The following ST8SIA5 variants were observed in gnomAD, a reference collection of about 807,000 sequenced individuals.
ST8SIA5 encodes the protein ST8 alpha-N-acetyl-neuraminide alpha-2,8-sialyltransferase 5.
In ST8SIA5, 24 loss-of-function variants were observed where a neutral mutation model predicts 40.2. That is an observed-to-expected ratio of 0.60 (90% CI 0.43 to 0.84). The LOEUF (loss-of-function observed/expected upper bound fraction) is 0.84, where lower values mean the gene tolerates loss of function less well. Among genes scored for constraint, ST8SIA5 ranks in the 40% least tolerant of loss-of-function variants. The pLI, the probability that ST8SIA5 is intolerant of heterozygous loss-of-function variation, is 0.00. For synonymous variants in ST8SIA5, 198 were observed against 201.8 expected (o/e 0.98, Z 0.16); for missense variants, 465 against 498.5 (o/e 0.93, Z 0.64).
intron 5 of ST8SIA5, chr18:46,685,931 G>A (rs2039441724): frequency 9.4e-6 from 5 of 530,030 alleles, no homozygotes; most frequent in South Asian, 7.0e-5. Flanking sequence ...CTTCAAATCT[G>A]TGATGTCCTT....
chr18:46,741,388 T>C (rs1276352258), intron 1 of ST8SIA5, among the ~76,000 whole-genome samples: 1 of 152,172 alleles, frequency 6.6e-6, no homozygotes, highest in Non-Finnish European at 1.5e-5. Context: ...ACTTAATGGA[T>C]TAGTAAAGTT....
intron 2 of ST8SIA5, among the ~76,000 whole-genome samples, chr18:46,703,142 A>T (rs1234765931): frequency 6.6e-6 from 1 of 151,994 alleles, no homozygotes; most frequent in African/African-American, 2.4e-5. Flanking sequence ...TTCTTTTTTT[A>T]TTTTATTTTA....
At chr18:46,724,746 G>A (rs1349234909) in intron 1 of ST8SIA5, among the ~76,000 whole-genome samples, 1 of 152,078 alleles carries the variant, frequency 6.6e-6, no homozygotes, top group Non-Finnish European at 1.5e-5. Context: ...AACCGAGGTG[G>A]GTGGATCACT....
chr18:46,754,765 CCT>C (rs2040225837), intron 1 of ST8SIA5, among the ~76,000 whole-genome samples: 1 of 152,218 alleles, frequency 6.6e-6, no homozygotes, highest in African/African-American at 2.4e-5. Context: ...GTATTTTCCC[CCT>C]GTTGACAAGG....
Position 46,680,387 on chromosome 18 carries a change from C to T in ST8SIA5, c.786G>A (p.Lys262=), listed in dbSNP as rs758956500. ...GCGATTCGAAGTCGTCCAGCACGTA[C>T]TTGACGCGGATGGACACGTCGGTGT... ...TRNTDVSIRV[K]YVLDDFESPQ... Residue 262 remains lysine (K), a synonymous_variant, in exon 7 of 7, where the codon AAG becomes AAA. Transcript: ENST00000315087. The T allele has an allele frequency of 3.1e-6, 5 of 1,613,996 alleles. No individual in the cohort carries two copies. The highest frequency in any genetic ancestry group is 4.2e-6 in the Non-Finnish European group (5 of 1,179,936).
chr18:46,751,862 A>ACC (rs2040198596), intron 1 of ST8SIA5, among the ~76,000 whole-genome samples: 1 of 152,118 alleles, frequency 6.6e-6, no homozygotes, highest in South Asian at 2.1e-4. Context: ...AAAGTTTGAA[A>ACC]AACACTGATG....
chr18:46,713,707 T>C (rs1398032662), intron 1 of ST8SIA5, among the ~76,000 whole-genome samples: 1 of 152,174 alleles, frequency 6.6e-6, no homozygotes, highest in African/African-American at 2.4e-5. Flanking sequence ...TATGCAGTGC[T>C]GACCCATATG....
intron 1 of ST8SIA5, among the ~76,000 whole-genome samples, chr18:46,709,641 A>C (rs546357526): frequency 1.3e-5 from 2 of 152,332 alleles, no homozygotes; most frequent in South Asian, 4.1e-4. Context: ...TAATGACATA[A>C]GAAGATGCTC....
chr18:46,680,187 G>A lies in ST8SIA5; in HGVS notation c.986C>T (p.Ser329Leu), dbSNP rs781355343. Residue 329 changes from serine to leucine, a missense_variant, in exon 7 of 7, where the codon TCG (serine) becomes TTG (leucine). Coordinates refer to ENST00000315087, the MANE Select transcript of ST8SIA5 (RefSeq NM_013305.6). ...FGFWAFPMNP[S>L]GLYITHHYYD... Reference sequence around the variant, plus strand: ...GTAGTGGTGAGTGATGTAGAGGCCCGAGGGGTTCATGGGGAAGGCCCAGAA... The same window carrying A: ...GTAGTGGTGAGTGATGTAGAGGCCCAAGGGGTTCATGGGGAAGGCCCAGAA... The A allele has an allele frequency of 6.2e-6, 10 of 1,614,112 alleles. No homozygotes were observed. Among genetic ancestry groups the A allele is most frequent in the Non-Finnish European group, 8.5e-6 (10 of 1,180,050 alleles).
chr18:46,753,351 T>C (rs1054902236), intron 1 of ST8SIA5, among the ~76,000 whole-genome samples: 1 of 151,912 alleles, frequency 6.6e-6, no homozygotes, highest in Non-Finnish European at 1.5e-5. Context: ...GGCGGGCGGA[T>C]CACAAGGTCA....
In ST8SIA5 at chr18:46,680,426, G is replaced by A. The variant is rs2039381095; in HGVS notation, c.747C>T (p.Phe249=). ...ACACGTCGGTGTTGCGCGTGTTGTA[G>A]AAGGCAGGCAGCAGCACCGACGCGT... ...YENASVLLPA[F]YNTRNTDVSI... Residue 249 remains phenylalanine, a synonymous_variant, in exon 7 of 7, where the codon TTC becomes TTT. Transcript: ENST00000315087. The A allele has an allele frequency of 6.2e-7, 1 of 1,612,964 alleles. No individual in the cohort carries two copies. The highest frequency in any genetic ancestry group is 8.5e-7 in the Non-Finnish European group (1 of 1,179,536).
At chr18:46,714,879 G>C (rs1228956923) in intron 1 of ST8SIA5, among the ~76,000 whole-genome samples, 2 of 152,156 alleles carry the variant, frequency 1.3e-5, no homozygotes, top group Non-Finnish European at 2.9e-5. Flanking sequence ...TATTTGCCCA[G>C]GAGACTCCAC....
intron 1 of ST8SIA5, among the ~76,000 whole-genome samples, chr18:46,734,288 G>A (rs1364702894): frequency 1.3e-5 from 2 of 152,122 alleles, no homozygotes. Context: ...ATTCACCAGG[G>A]TCCACCTGGG....
Position 46,753,634 on chromosome 18 carries a change from G to A in ST8SIA5, c.131+2744C>T, listed in dbSNP as rs61611817. ...CAAATCCCCACTGCATGGAGCTTTC[G>A]GTCTAGAGCAGTTTCTCAACCTCAG... On this transcript the variant is annotated intron_variant, in intron 1 of 6. Coordinates refer to ENST00000315087, the MANE Select transcript of ST8SIA5 (RefSeq NM_013305.6). Among the ~76,000 whole-genome samples the A allele has an allele frequency of 5.9e-3, 900 of 151,698 alleles. 5 individuals carry two copies. The highest frequency in any genetic ancestry group is 0.031 in the Middle Eastern group (9 of 288).
intron 1 of ST8SIA5, among the ~76,000 whole-genome samples, chr18:46,722,654 A>G (rs769873048): frequency 1.3e-5 from 2 of 152,236 alleles, no homozygotes; most frequent in Non-Finnish European, 2.9e-5. Flanking sequence ...TGTCCTGTGC[A>G]TTATAGGATG....
At chr18:46,689,737 C>A (rs2039485452) in intron 3 of ST8SIA5, among the ~76,000 whole-genome samples, 3 of 141,590 alleles carry the variant, frequency 2.1e-5, no homozygotes, top group South Asian at 2.3e-4. Flanking sequence ...CCATGCCTGG[C>A]TAATTTTTTT....
At chr18:46,722,282 T>G (rs2039871807) in intron 1 of ST8SIA5, among the ~76,000 whole-genome samples, 1 of 152,174 alleles carries the variant, frequency 6.6e-6, no homozygotes, top group African/African-American at 2.4e-5. Flanking sequence ...TACCAGGCCC[T>G]CTTCCCAAGC....
intron 2 of ST8SIA5, among the ~76,000 whole-genome samples, chr18:46,692,588 C>T (rs886928176): frequency 8.6e-5 from 13 of 151,766 alleles, no homozygotes; most frequent in African/African-American, 1.9e-4. Context: ...TTTTTGGTAG[C>T]GATGGGGTTT....
intron 4 of ST8SIA5, among the ~76,000 whole-genome samples, chr18:46,686,963 C>T (rs1360993112): frequency 6.6e-6 from 1 of 152,196 alleles, no homozygotes; most frequent in Non-Finnish European, 1.5e-5. Flanking sequence ...CCCAGCACCA[C>T]AGAATCAGAG....
Sources: allele counts gnomAD v4.1 joint callset (sites outside exome capture counted in the v4.1 genomes callset), GRCh38; gene constraint gnomAD v4.1.1; transcripts MANE v1.5; gene names NCBI Gene and HGNC (gene_info 2026-07-23, HGNC 2026-07-21).